SLC24A3: variants seen among roughly 807,000 people sequenced by gnomAD.
The protein encoded by SLC24A3 is sodium/potassium/calcium exchanger 3.
A neutral mutation model predicts 75.8 loss-of-function variants in SLC24A3; 28 were observed. That is an observed-to-expected ratio of 0.37 (90% CI 0.27 to 0.51). SLC24A3 has a LOEUF of 0.51. Among genes scored for constraint, SLC24A3 ranks in the 20% least tolerant of loss-of-function variants. SLC24A3 has a pLI of 0.94. For synonymous variants in SLC24A3, 372 were observed against 334.1 expected, an observed-to-expected ratio of 1.11 and a Z score of -1.24; for missense variants, 663 against 847.8, an observed-to-expected ratio of 0.78 and a Z score of 2.71.
At chr20:19,325,761 C>CATATATATAT (rs1568589782) in intron 2 of SLC24A3, among the ~76,000 whole-genome samples, 7 of 44,442 alleles carry the variant, frequency 1.6e-4, no homozygotes, top group African/African-American at 7.9e-4. Context: ...TGTATACATA[C>CATATATATAT]ATACATATAT....
intron 9 of SLC24A3, among the ~76,000 whole-genome samples, chr20:19,680,086 ATGTGTCTGTGTGTGCGAGTG>A (rs1336434119): frequency 5.0e-5 from 7 of 139,876 alleles, no homozygotes; most frequent in Admixed American, 1.5e-4. Flanking sequence ...GTGTGTCTGT[ATGTGTCTGTGTGTGCGAGTG>A]TGTGTCTGTG....
chr20:19,324,409 C>T (rs1343471443), intron 2 of SLC24A3, among the ~76,000 whole-genome samples: 1 of 152,184 alleles, frequency 6.6e-6, no homozygotes, highest in Non-Finnish European at 1.5e-5. Flanking sequence ...AATTATACAT[C>T]CTGTGGCATT....
At position 19,600,710 on chromosome 20, in the gene SLC24A3, G is replaced by A. The variant is rs533220009; in HGVS notation, c.612+15166G>A. ...TTCTTGTCCTGTCACCCAGGCTGGA[G>A]TGCAGTGGCATAATCATAGCTCACT... On this transcript the variant is annotated intron_variant, in intron 6 of 16. Coordinates refer to ENST00000328041, the MANE Select transcript of SLC24A3 (RefSeq NM_020689.4). 5.3e-5 allele frequency among the ~76,000 whole-genome samples: 8 copies of A among 152,326 alleles called. No individual in the cohort carries two copies. In the East Asian group the frequency reaches 9.6e-4, roughly 18 times the overall value.
chr20:19,703,363 C>A (rs1009813796), intron 15 of SLC24A3, among the ~76,000 whole-genome samples: 8 of 152,238 alleles, frequency 5.3e-5, no homozygotes, highest in African/African-American at 1.9e-4. Context: ...CTGTTAGAAT[C>A]TGAGTTTAAG....
At chr20:19,648,089 GT>G (rs1437728275) in intron 6 of SLC24A3, among the ~76,000 whole-genome samples, 1 of 152,184 alleles carries the variant, frequency 6.6e-6, no homozygotes, top group African/African-American at 2.4e-5. Flanking sequence ...TTGTATTTCA[GT>G]GATTTTTCCC....
intron 2 of SLC24A3, among the ~76,000 whole-genome samples, chr20:19,382,898 C>A (rs959733820): frequency 3.3e-5 from 5 of 152,226 alleles, no homozygotes; most frequent in African/African-American, 1.2e-4. Context: ...TACGGCAAAG[C>A]CTGCAAAATT....
At chr20:19,329,129 A>G (rs537553478) in intron 2 of SLC24A3, among the ~76,000 whole-genome samples, 1 of 152,162 alleles carries the variant, frequency 6.6e-6, no homozygotes, top group Non-Finnish European at 1.5e-5. Flanking sequence ...AAGAGGATGG[A>G]AGGGGAAGGA....
intron 2 of SLC24A3, among the ~76,000 whole-genome samples, chr20:19,395,591 G>T (rs1295451412): frequency 6.6e-6 from 1 of 152,236 alleles, no homozygotes; most frequent in Non-Finnish European, 1.5e-5. Flanking sequence ...TGAGCAGAGA[G>T]ATACTCAAAT....
intron 2 of SLC24A3, among the ~76,000 whole-genome samples, chr20:19,479,009 C>A (rs1341721035): frequency 6.6e-6 from 1 of 152,262 alleles, no homozygotes; most frequent in East Asian, 1.9e-4. Context: ...CTTTCCTCCT[C>A]CACAGAAAGC....
intron 1 of SLC24A3, among the ~76,000 whole-genome samples, chr20:19,272,288 T>G (rs996829161): frequency 2.0e-5 from 3 of 152,248 alleles, no homozygotes; most frequent in African/African-American, 7.2e-5. Flanking sequence ...GGGGCCTTCC[T>G]GGTCCTGGGG....
chr20:19,497,261 G>T (rs536770725), intron 2 of SLC24A3, among the ~76,000 whole-genome samples: 1 of 152,282 alleles, frequency 6.6e-6, no homozygotes, highest in South Asian at 2.1e-4. Context: ...CTCAAATAAG[G>T]CAAGAACTCC....
chr20:19,330,849 C>T (rs1002833292), intron 2 of SLC24A3, among the ~76,000 whole-genome samples: 7 of 152,192 alleles, frequency 4.6e-5, no homozygotes, highest in African/African-American at 9.7e-5. Context: ...GTTAACATCA[C>T]CAAGGAGACC....
intron 2 of SLC24A3, among the ~76,000 whole-genome samples, chr20:19,410,341 A>C (rs1986721381): frequency 6.6e-6 from 1 of 152,180 alleles, no homozygotes; most frequent in African/African-American, 2.4e-5. Context: ...TGGCCTCCAA[A>C]AGATAGAAGA....
chr20:19,283,462 C>T (rs1012600881), intron 2 of SLC24A3, among the ~76,000 whole-genome samples: 19 of 152,194 alleles, frequency 1.2e-4, no homozygotes, highest in African/African-American at 4.1e-4. Context: ...GTCAAATACT[C>T]GATAGTTGGA....
At chr20:19,628,215 A>G (rs1441520553) in intron 6 of SLC24A3, among the ~76,000 whole-genome samples, 1 of 151,242 alleles carries the variant, frequency 6.6e-6, no homozygotes, top group Non-Finnish European at 1.5e-5. Flanking sequence ...AAAAAAAAAA[A>G]AAAAAAAGAA....
chr20:19,379,733 T>TACA (rs1986150103), intron 2 of SLC24A3, among the ~76,000 whole-genome samples: 2 of 152,322 alleles, frequency 1.3e-5, no homozygotes, highest in Middle Eastern at 3.4e-3. Context: ...CACTGTATCT[T>TACA]ACAACAACAA....
Position 19,280,978 on chromosome 20 carries a change from C to T in SLC24A3, c.162C>T (p.Leu54=), listed in dbSNP as rs1395338508. 3.7e-6 allele frequency: 6 copies of T among 1,613,710 alleles called. No homozygotes were observed. Among genetic ancestry groups the T allele is most frequent in the Non-Finnish European group, 5.1e-6 (6 of 1,179,794 alleles). Residue 54 remains leucine (L), a synonymous_variant, in exon 2 of 17, where the codon CTC becomes CTT. Coordinates refer to ENST00000328041, the MANE Select transcript of SLC24A3 (RefSeq NM_020689.4). ...REQKELDLMD[L]VGEDRKWMMA... ...CCCCAGAGCTTGACCTCATGGACCT[C>T]GTAGGGGAAGACAGAAAGTGGATGA...
chr20:19,431,106 G>C (rs904156455), intron 2 of SLC24A3, among the ~76,000 whole-genome samples: 1 of 152,088 alleles, frequency 6.6e-6, no homozygotes, highest in Admixed American at 6.5e-5. Context: ...TAACTGGCTG[G>C]TTGGCCAATG....
chr20:19,448,125 C>T (rs8121071), intron 2 of SLC24A3, among the ~76,000 whole-genome samples: 9,649 of 152,262 alleles, frequency 0.063, 962 homozygotes, highest in African/African-American at 0.21. Flanking sequence ...CCCAAAATGC[C>T]GGATCCAAGG....
Sources: gnomAD v4.1 joint callset for allele counts (sites outside exome capture counted in the v4.1 genomes callset) on GRCh38, gnomAD v4.1.1 for gene constraint, MANE v1.5 for transcripts, NCBI Gene and HGNC (gene_info 2026-07-23, HGNC 2026-07-21) for gene names.